PI4K2B: variants seen among roughly 807,000 people sequenced by gnomAD.
PI4K2B encodes the protein phosphatidylinositol 4-kinase type 2 beta.
PI4K2B carries 46 observed loss-of-function variants against 56.6 expected under a neutral mutation model. That is an observed-to-expected ratio of 0.81 (90% CI 0.64 to 1.04). PI4K2B has a LOEUF of 1.04. PI4K2B is among the 50% of genes least tolerant of loss of function. The pLI is 0.00. For missense variants in PI4K2B, 556 were observed against 607.7 expected (o/e 0.91, Z 0.89); for synonymous variants, 211 against 223.8 (o/e 0.94, Z 0.51).
At chr4:25,270,385 G>A (rs867700020) in intron 9 of PI4K2B, among the ~76,000 whole-genome samples, 1 of 150,314 alleles carries the variant, frequency 6.7e-6, no homozygotes, top group Admixed American at 6.6e-5. Context: ...TTGCCCTGTC[G>A]CCCAGGCTGG....
Position 25,275,091 on chromosome 4 carries a change from A to ATG in PI4K2B, c.1273-1923_1273-1922insTG, listed in dbSNP as rs1717048547. On this transcript the variant is annotated intron_variant, in intron 9 of 9. Coordinates refer to ENST00000264864, the MANE Select transcript of PI4K2B (RefSeq NM_018323.4). Reference sequence around the variant, plus strand: ...AGTGCTGGGATTACAGGCATGAGCCACCACACCTGGTCAACGTTTCTGTTT... The same window carrying ATG: ...AGTGCTGGGATTACAGGCATGAGCCATGCCACACCTGGTCAACGTTTCTGTTT... Among the ~76,000 whole-genome samples the ATG allele has an allele frequency of 2.0e-5, 3 of 152,318 alleles. No individual in the cohort carries two copies. The South Asian group carries it at 6.2e-4, about 32-fold the overall frequency.
At chr4:25,235,812 G>GA (rs1217276944) in intron 1 of PI4K2B, among the ~76,000 whole-genome samples, 1 of 152,146 alleles carries the variant, frequency 6.6e-6, no homozygotes, top group Non-Finnish European at 1.5e-5. Flanking sequence ...CTTGTTCTGT[G>GA]AAAGTGAGGT....
intron 1 of PI4K2B, among the ~76,000 whole-genome samples, chr4:25,234,633 C>A (rs1009098944): frequency 1.3e-5 from 2 of 152,266 alleles, no homozygotes; most frequent in African/African-American, 2.4e-5. Context: ...CGGGAGCTCC[C>A]TCTCCTAAGG....
At chr4:25,275,762 A>T (rs951865133) in intron 9 of PI4K2B, among the ~76,000 whole-genome samples, 2 of 152,200 alleles carry the variant, frequency 1.3e-5, no homozygotes, top group Non-Finnish European at 2.9e-5. Context: ...ACTAGTAAAG[A>T]TCTATTTTCC....
rs776792188 is a variant in PI4K2B at position 25,255,217 on chromosome 4, C to G, written c.576C>G (p.Ala192=). 1 of 1,614,150 alleles carries G rather than the reference C, an allele frequency of 6.2e-7. No homozygotes were observed. Among genetic ancestry groups the G allele is most frequent in the East Asian group, 2.2e-5 (1 of 44,880 alleles). ...AGGGGTACCTTTCCGAAGCGGGTGCCTATCTTGTGGACAACAAGCTTCATC... is the reference window on the plus strand; with the variant it reads ...AGGGGTACCTTTCCGAAGCGGGTGCGTATCTTGTGGACAACAAGCTTCATC... The part of the protein sequence containing the change: ...PNQGYLSEAG[A]YLVDNKLHLS... Residue 192 remains alanine, a synonymous_variant, in exon 3 of 10, where the codon GCC becomes GCG. Transcript: ENST00000264864.
At chr4:25,265,142 C>T (rs1323064409) in intron 7 of PI4K2B, among the ~76,000 whole-genome samples, 1 of 135,596 alleles carries the variant, frequency 7.4e-6, no homozygotes, top group Non-Finnish European at 1.5e-5. Flanking sequence ...ATGCTGTGAG[C>T]CGAGATCGCG....
At chr4:25,249,774 G>A (rs934753062) in intron 1 of PI4K2B, among the ~76,000 whole-genome samples, 4 of 152,014 alleles carry the variant, frequency 2.6e-5, no homozygotes, top group Non-Finnish European at 5.9e-5. Flanking sequence ...CATCCCAGAC[G>A]ATGGGCGGCC....
At chr4:25,266,431 G>A (rs1238499272) in intron 7 of PI4K2B, among the ~76,000 whole-genome samples, 1 of 152,096 alleles carries the variant, frequency 6.6e-6, no homozygotes, top group East Asian at 1.9e-4. Context: ...CTTTTAATAG[G>A]TGCACTTTGT....
At chr4:25,271,379 T>C (rs1716882896) in intron 9 of PI4K2B, among the ~76,000 whole-genome samples, 1 of 152,194 alleles carries the variant, frequency 6.6e-6, no homozygotes, top group African/African-American at 2.4e-5. Flanking sequence ...TATGTGCATT[T>C]TGGGTGTGAG....
chr4:25,236,191 C>G (rs1384766537), intron 1 of PI4K2B, among the ~76,000 whole-genome samples: 3 of 144,056 alleles, frequency 2.1e-5, no homozygotes, highest in Non-Finnish European at 3.0e-5. Context: ...TGAGACAGAG[C>G]AAGACTCTGT....
At chr4:25,268,108 AC>A (rs1310704363) in intron 7 of PI4K2B, among the ~76,000 whole-genome samples, 2 of 152,114 alleles carry the variant, frequency 1.3e-5, no homozygotes, top group Non-Finnish European at 2.9e-5. Context: ...AATAATAAAA[AC>A]AATCTGGGGC....
intron 9 of PI4K2B, among the ~76,000 whole-genome samples, chr4:25,275,992 T>A (rs1007835466): frequency 1.3e-5 from 2 of 152,174 alleles, no homozygotes; most frequent in Admixed American, 6.5e-5. Context: ...TTTATACTAT[T>A]TAAAGTATTA....
At chr4:25,236,767 A>G (rs1485605138) in intron 1 of PI4K2B, among the ~76,000 whole-genome samples, 3 of 152,146 alleles carry the variant, frequency 2.0e-5, no homozygotes, top group Non-Finnish European at 4.4e-5. Flanking sequence ...CCGTTTTGCC[A>G]TGGGTCCACA....
chr4:25,256,701 A>G, intron 4 of PI4K2B, 27 bp downstream of exon 4: 1 of 1,608,076 alleles, frequency 6.2e-7, no homozygotes, highest in South Asian at 1.1e-5. Flanking sequence ...AGCTGTATTT[A>G]GAGGGCATTT....
intron 1 of PI4K2B, among the ~76,000 whole-genome samples, chr4:25,251,983 C>G (rs966544567): frequency 6.6e-6 from 1 of 152,118 alleles, no homozygotes; most frequent in African/African-American, 2.4e-5. Flanking sequence ...ACCACCACAT[C>G]TGGCTAATTT....
chr4:25,258,184 ATTTAATC>A (rs1291303872), intron 4 of PI4K2B, among the ~76,000 whole-genome samples: 1 of 139,372 alleles, frequency 7.2e-6, no homozygotes, highest in African/African-American at 2.6e-5. Context: ...AAGACTGGGT[ATTTAATC>A]TGTGTGGTTA....
At chr4:25,260,947 A>T (rs1271584975) in intron 6 of PI4K2B, among the ~76,000 whole-genome samples, 3 of 148,716 alleles carry the variant, frequency 2.0e-5, no homozygotes, top group African/African-American at 7.5e-5. Flanking sequence ...GCCTCAAGCA[A>T]TCCATCCGCC....
intron 1 of PI4K2B, among the ~76,000 whole-genome samples, chr4:25,236,271 T>C (rs1271220432): frequency 6.6e-6 from 1 of 150,854 alleles, no homozygotes; most frequent in Non-Finnish European, 1.5e-5. Context: ...TATTCTCTGT[T>C]GGGTGCCATG....
In PI4K2B at chr4:25,259,065, G is replaced by A; in HGVS notation, c.785G>A (p.Gly262Asp). 1 of 1,586,462 alleles carries A rather than the reference G, an allele frequency of 6.3e-7. No homozygotes were observed. Among genetic ancestry groups the A allele is most frequent in the Non-Finnish European group, 8.6e-7 (1 of 1,157,304 alleles). The change falls in exon 5 of 10, where the codon GGT becomes GAT. Residue 262 changes from glycine to aspartate, a missense_variant. Transcript: ENST00000264864. ...KIGSFQLFVE[G>D]YKEAEYWLRK... ...GGTTCCTTTCAGTTATTTGTTGAAG[G>A]TTACAAGGAGGCTGAATATTGGCTT...
Sources: allele counts gnomAD v4.1 joint callset (sites outside exome capture counted in the v4.1 genomes callset), GRCh38; gene constraint gnomAD v4.1.1; transcripts MANE v1.5; gene names NCBI Gene and HGNC (gene_info 2026-07-23, HGNC 2026-07-21).